Variants in EEPD1 observed in about 807,000 individuals in gnomAD.
EEPD1 encodes the protein endonuclease/exonuclease/phosphatase family domain-containing protein 1.
Under a neutral mutation model 46.3 loss-of-function variants are expected in EEPD1, and 17 were observed. The ratio of observed to expected loss-of-function variants is 0.37; its 90% confidence interval spans 0.25 to 0.55. EEPD1 has a LOEUF of 0.55. EEPD1 is among the 20% of genes least tolerant of loss of function. The probability of loss-of-function intolerance (pLI) is 0.83; values close to 1 mark genes in which losing one functional copy is unlikely to be tolerated. For missense variants in EEPD1, 673 were observed against 745.6 expected, an observed-to-expected ratio of 0.90 and a Z score of 1.13; for synonymous variants, 313 against 315.6, an observed-to-expected ratio of 0.99 and a Z score of 0.09.
At chr7:36,164,427 A>T (rs147536399) in intron 2 of EEPD1, among the ~76,000 whole-genome samples, 1 of 152,292 alleles carries the variant, frequency 6.6e-6, no homozygotes, top group African/African-American at 2.4e-5. Flanking sequence ...AAGTGTACTC[A>T]TTGCACCATG....
At chr7:36,294,867 C>T (rs1026589766) in intron 6 of EEPD1, among the ~76,000 whole-genome samples, 16 of 152,070 alleles carry the variant, frequency 1.1e-4, no homozygotes, top group African/African-American at 3.9e-4. Context: ...ATGGCTGATG[C>T]GAGGACTGAG....
In EEPD1 at chr7:36,225,814, C is replaced by T. The variant is rs1047689517; in HGVS notation, c.879-13171C>T. On this transcript the variant is annotated intron_variant, in intron 2 of 7. Coordinates refer to ENST00000242108, the MANE Select transcript of EEPD1 (RefSeq NM_030636.3). The surrounding 1 kb of genome is among the most constrained non-coding windows in gnomAD (Gnocchi z 4.2). ...ACAAAATTTGGGGGTTATGTAGCAA[C>T]CCAAACAATTTTATGCTCAGCTGAG... is the stretch of plus-strand genomic sequence containing the variant. 4.6e-5 allele frequency among the ~76,000 whole-genome samples: 7 copies of T among 152,158 alleles called. No individual in the cohort carries two copies. The highest frequency in any genetic ancestry group is 7.3e-5 in the Non-Finnish European group (5 of 68,042).
rs79363874 is a variant in EEPD1, at chr7:36,245,399, C to T, written c.930+6363C>T. On this transcript the variant is annotated intron_variant, in intron 3 of 7. Coordinates refer to ENST00000242108, the MANE Select transcript of EEPD1 (RefSeq NM_030636.3). ...ACCTGCCCTACTTACCATCAAATCA[C>T]GTGTTCTGGGAAGAGGTGAATGGTG... Among the ~76,000 whole-genome samples, 277 of 152,288 alleles carry T rather than the reference C, an allele frequency of 1.8e-3. 3 individuals are homozygous for T. In the East Asian group the frequency reaches 0.026, roughly 15 times the overall value.
intron 2 of EEPD1, among the ~76,000 whole-genome samples, chr7:36,175,865 C>T (rs985653707): frequency 2.0e-5 from 3 of 152,228 alleles, no homozygotes; most frequent in African/African-American, 7.2e-5. Context: ...GTAGAAGCCT[C>T]AGACCCTGCA....
intron 2 of EEPD1, among the ~76,000 whole-genome samples, chr7:36,209,568 G>T (rs914954968): frequency 6.6e-6 from 1 of 152,156 alleles, no homozygotes; most frequent in African/African-American, 2.4e-5. Context: ...ATCCTTTCCT[G>T]TAGCTGGGTT....
intron 2 of EEPD1, among the ~76,000 whole-genome samples, chr7:36,218,132 G>T (rs1282391850): frequency 6.6e-6 from 1 of 152,138 alleles, no homozygotes; most frequent in Admixed American, 6.6e-5. Flanking sequence ...CTGCGTAACG[G>T]TCCCTAGGGG....
chr7:36,196,711 GT>G (rs1785598203), intron 2 of EEPD1, among the ~76,000 whole-genome samples: 1 of 152,246 alleles, frequency 6.6e-6, no homozygotes, highest in Non-Finnish European at 1.5e-5. Flanking sequence ...CGTTAACTCA[GT>G]GCTCAATGGT....
intron 2 of EEPD1, among the ~76,000 whole-genome samples, chr7:36,187,830 T>C (rs529446620): frequency 6.6e-6 from 1 of 152,296 alleles, no homozygotes; most frequent in East Asian, 1.9e-4. Flanking sequence ...AGATTCTCGC[T>C]CTGTCACCCA....
intron 2 of EEPD1, among the ~76,000 whole-genome samples, chr7:36,227,596 T>G (rs1786251226): frequency 6.6e-6 from 1 of 152,204 alleles, no homozygotes; most frequent in Non-Finnish European, 1.5e-5. Context: ...CCATGATGTC[T>G]TCTAAAATTT....
intron 2 of EEPD1, among the ~76,000 whole-genome samples, chr7:36,218,070 A>C (rs1344294995): frequency 2.6e-5 from 4 of 152,270 alleles, no homozygotes; most frequent in Non-Finnish European, 4.4e-5. Context: ...GGTTGAGAAC[A>C]GCAGCAGTAA....
At chr7:36,175,255 T>C (rs775290276) in intron 2 of EEPD1, among the ~76,000 whole-genome samples, 17 of 152,220 alleles carry the variant, frequency 1.1e-4, no homozygotes, top group Non-Finnish European at 2.2e-4. Flanking sequence ...CCCTCACAGA[T>C]AAAGTAGGAT....
At chr7:36,191,223 G>C (rs1785455064) in intron 2 of EEPD1, among the ~76,000 whole-genome samples, 1 of 152,236 alleles carries the variant, frequency 6.6e-6, no homozygotes, top group African/African-American at 2.4e-5. Flanking sequence ...TCCTGAAATT[G>C]AGCATGTGCT....
intron 2 of EEPD1, among the ~76,000 whole-genome samples, chr7:36,187,720 A>G (rs1410409471): frequency 1.3e-5 from 2 of 152,272 alleles, no homozygotes; most frequent in African/African-American, 4.8e-5. Flanking sequence ...TGTGCAGACA[A>G]TCTGTCTGAG....
chr7:36,248,053 G>A (rs1290184242), intron 3 of EEPD1, among the ~76,000 whole-genome samples: 1 of 152,106 alleles, frequency 6.6e-6, no homozygotes, highest in East Asian at 1.9e-4. Context: ...GGGTGTGAGG[G>A]CTGCCTAGAG....
intron 2 of EEPD1, among the ~76,000 whole-genome samples, chr7:36,205,370 A>G (rs1785792905): frequency 6.6e-6 from 1 of 152,256 alleles, no homozygotes; most frequent in Non-Finnish European, 1.5e-5. Flanking sequence ...GTAAGGAAAC[A>G]GTTTTGCTCT....
intron 2 of EEPD1, chr7:36,228,990 C>T (rs554987198): frequency 1.0e-4 from 16 of 152,420 alleles, no homozygotes; most frequent in African/African-American, 3.8e-4. Context: ...CTTGGGCCTC[C>T]TCTCTCCCTT....
chr7:36,202,812 C>T (rs1201683092), intron 2 of EEPD1, among the ~76,000 whole-genome samples: 1 of 152,154 alleles, frequency 6.6e-6, no homozygotes, highest in Non-Finnish European at 1.5e-5. Context: ...GGCCCAAGGT[C>T]ATGTAGCTTA....
chr7:36,296,769 G>T (rs550327102), intron 6 of EEPD1, among the ~76,000 whole-genome samples: 13 of 134,508 alleles, frequency 9.7e-5, no homozygotes, highest in South Asian at 7.2e-4. Flanking sequence ...TTTGTGTCAC[G>T]CTGCCCCTGA....
At chr7:36,284,901 G>A in intron 5 of EEPD1, 81 bp downstream of exon 5, 1 of 1,399,396 alleles carries the variant, frequency 7.1e-7, no homozygotes, top group East Asian at 2.7e-5. Context: ...GTAATAGCAT[G>A]AGTAAGAGAA....
Sources: allele counts gnomAD v4.1 joint callset (sites outside exome capture counted in the v4.1 genomes callset), GRCh38; gene constraint gnomAD v4.1.1; non-coding constraint Gnocchi (gnomAD v3.1); transcripts MANE v1.5; gene names NCBI Gene and HGNC (gene_info 2026-07-23, HGNC 2026-07-21).